Variants in KSR2 observed in about 807,000 individuals in gnomAD.
The protein encoded by KSR2 is kinase suppressor of ras 2.
In KSR2, 25 loss-of-function variants were observed where a neutral mutation model predicts 107.8. The observed-to-expected ratio is 0.23, with a 90% CI of 0.17 to 0.32. KSR2 has a LOEUF of 0.32. Among genes scored for constraint, KSR2 ranks in the 10% least tolerant of loss-of-function variants. The probability of loss-of-function intolerance (pLI) is 1.00; values close to 1 mark genes in which losing one functional copy is unlikely to be tolerated. For missense variants in KSR2, 887 were observed against 1,268.9 expected, an observed-to-expected ratio of 0.70 and a Z score of 4.57; for synonymous variants, 480 against 507.0, an observed-to-expected ratio of 0.95 and a Z score of 0.71.
chr12:117,869,787 G>A (rs763271710), intron 1 of KSR2, among the ~76,000 whole-genome samples: 9 of 152,266 alleles, frequency 5.9e-5, no homozygotes, highest in South Asian at 2.1e-4. Flanking sequence ...CTGCTGGGAC[G>A]CCTTTGTCAA....
Position 117,872,259 on chromosome 12 carries a change from T to G in KSR2, c.181-11828A>C, listed in dbSNP as rs11068705. On this transcript the variant is annotated intron_variant, in intron 1 of 19. Coordinates refer to ENST00000339824, the MANE Select transcript of KSR2 (RefSeq NM_173598.6). The stretch of plus-strand genomic sequence containing the variant: ...GATAATTTCACATTATTTCCCTCTT[T>G]CCTCAGTTTCCAATCATAAGCTTCA... Among the ~76,000 whole-genome samples, 877 of 152,284 alleles carry G rather than the reference T, an allele frequency of 5.8e-3. 57 individuals are homozygous for G. The East Asian group carries it at 0.14, about 25-fold the overall frequency.
chr12:117,836,411 T>C (rs552265418), intron 3 of KSR2, among the ~76,000 whole-genome samples: 20 of 152,154 alleles, frequency 1.3e-4, no homozygotes, highest in Non-Finnish European at 1.8e-4. Context: ...CTCTTTGGGT[T>C]GTATGATTCC....
At chr12:117,510,557 C>T (rs1007802871) in intron 14 of KSR2, among the ~76,000 whole-genome samples, 17 of 152,134 alleles carry the variant, frequency 1.1e-4, no homozygotes, top group African/African-American at 4.1e-4. Flanking sequence ...CCATTGAGTC[C>T]CTGTGATACA....
At chr12:117,500,217 A>G (rs1237167622) in intron 14 of KSR2, among the ~76,000 whole-genome samples, 8 of 152,170 alleles carry the variant, frequency 5.3e-5, no homozygotes, top group Admixed American at 3.9e-4. Context: ...CTCCTTTCAC[A>G]GGGGAGATGG....
In KSR2 at chr12:117,794,362, CCAA is replaced by C. The variant is rs1484978242; in HGVS notation, c.473-32841_473-32839del. On this transcript the variant is annotated intron_variant, in intron 3 of 19. Transcript: ENST00000339824. ...ACACTCACACCAACAGGCACACACA[CCAA>C]CATGCACACTCACACCAACATGCAC... 4.9e-5 allele frequency among the ~76,000 whole-genome samples: 6 copies of C among 122,362 alleles called. 2 individuals are homozygous for C. Among genetic ancestry groups the C allele is most frequent in the Non-Finnish European group, 8.3e-5 (5 of 59,920 alleles). 80.3% of individuals were successfully genotyped at this position (122,362 alleles called of 152,430 possible).
intron 4 of KSR2, among the ~76,000 whole-genome samples, chr12:117,736,097 T>C (rs1234186544): frequency 6.6e-6 from 1 of 152,162 alleles, no homozygotes; most frequent in Admixed American, 6.5e-5. Flanking sequence ...CATTTGACCA[T>C]AGTTGAATCA....
At chr12:117,510,877 CAAAAA>C (rs58668449) in intron 14 of KSR2, among the ~76,000 whole-genome samples, 3 of 103,184 alleles carry the variant, frequency 2.9e-5, no homozygotes, top group African/African-American at 7.5e-5. Context: ...GACCCTGTCT[CAAAAA>C]AAAAAAAAAA....
chr12:117,793,697 A>C (rs1890404790), intron 3 of KSR2, among the ~76,000 whole-genome samples: 1 of 150,402 alleles, frequency 6.6e-6, no homozygotes, highest in South Asian at 2.1e-4. Context: ...GCACACATAC[A>C]ACATGCACAC....
At chr12:117,862,239 T>C (rs1893323498) in intron 1 of KSR2, among the ~76,000 whole-genome samples, 1 of 152,132 alleles carries the variant, frequency 6.6e-6, no homozygotes, top group South Asian at 2.1e-4. Context: ...TATTATCATC[T>C]TTTTAATTTA....
intron 3 of KSR2, among the ~76,000 whole-genome samples, chr12:117,817,617 AATAAT>A (rs1891419054): frequency 6.6e-6 from 1 of 152,094 alleles, no homozygotes; most frequent in African/African-American, 2.4e-5. Flanking sequence ...TATATATACT[AATAAT>A]ATAATATTAT....
intron 4 of KSR2, among the ~76,000 whole-genome samples, chr12:117,671,882 C>A (rs752606142): frequency 3.4e-5 from 5 of 145,754 alleles, no homozygotes; most frequent in Non-Finnish European, 7.5e-5. Flanking sequence ...TTTTCAGAAT[C>A]CTGGAAGGAG....
rs144081286 is a variant in KSR2 at position 117,666,776 on chromosome 12, G to A, written c.1171+698C>T. Among the ~76,000 whole-genome samples, 133 of 152,254 alleles carry A rather than the reference G, an allele frequency of 8.7e-4. 1 individual carries two copies. Among genetic ancestry groups the A allele is most frequent in the African/African-American group, 3.0e-3 (125 of 41,546 alleles). ...ACCAATCAATAAAAGTTGCTGTCTT[G>A]GCTGGAGGACTGGCTGGGCTTTATT... is the stretch of plus-strand genomic sequence containing the variant. On this transcript the variant is annotated intron_variant, in intron 5 of 19. Coordinates refer to ENST00000339824, the MANE Select transcript of KSR2 (RefSeq NM_173598.6).
At chr12:117,688,192 C>A (rs1885657057) in intron 4 of KSR2, among the ~76,000 whole-genome samples, 1 of 152,148 alleles carries the variant, frequency 6.6e-6, no homozygotes, top group Admixed American at 6.5e-5. Context: ...CCAGCCTGGC[C>A]AACATGGTAA....
rs141457085 is a variant in KSR2 at position 117,761,028 on chromosome 12, G to A, written c.969C>T (p.Asp323=). ...GCACTCACTTGGGCGTGTGGGCCTC[G>A]TCCACGCGGTGCCCCAGCTGGAACT... ...SHEFQLGHRV[D]EAHTPKAKKK... The change falls in exon 4 of 20, where the codon GAC becomes GAT. Residue 323 remains aspartate (D), a synonymous_variant. Coordinates refer to ENST00000339824, the MANE Select transcript of KSR2 (RefSeq NM_173598.6). The A allele has an allele frequency of 5.0e-6, 8 of 1,613,654 alleles. No individual in the cohort carries two copies. Among genetic ancestry groups the A allele is most frequent in the Admixed American group, 1.7e-5 (1 of 60,012 alleles).
At chr12:117,571,743 T>C (rs1023467430) in intron 7 of KSR2, among the ~76,000 whole-genome samples, 2 of 152,176 alleles carry the variant, frequency 1.3e-5, no homozygotes, top group Non-Finnish European at 2.9e-5. Context: ...AATCCCTTAG[T>C]TGATCAGACC....
chr12:117,545,815 GGCT>G (rs1876824114), intron 9 of KSR2, among the ~76,000 whole-genome samples: 9 of 152,060 alleles, frequency 5.9e-5, no homozygotes, highest in Admixed American at 5.9e-4. Flanking sequence ...CTTTTTAAAT[GGCT>G]GCTGTAGGTA....
chr12:117,842,875 G>C lies in KSR2; in HGVS notation c.472+12553C>G, dbSNP rs2137169193. 6.6e-6 allele frequency among the ~76,000 whole-genome samples: 1 copy of C among 152,254 alleles called. No homozygotes were observed. Among genetic ancestry groups the C allele is most frequent in the South Asian group, 2.1e-4 (1 of 4,824 alleles). ...CAGGTTGCTCGACAGGGGTTCTGCT[G>C]CAAGACAAAGGCTGGAGAGGAAAAC... On this transcript the variant is annotated intron_variant, in intron 3 of 19. Coordinates refer to ENST00000339824, the MANE Select transcript of KSR2 (RefSeq NM_173598.6). This position sits in a 1 kb window ranked among gnomAD's most constrained non-coding sequence, Gnocchi z 4.2.
intron 1 of KSR2, among the ~76,000 whole-genome samples, chr12:117,918,198 A>G (rs1294987572): frequency 2.6e-5 from 4 of 152,242 alleles, no homozygotes; most frequent in Non-Finnish European, 5.9e-5. Context: ...ACACAGCTTC[A>G]TTCATTATGG....
chr12:117,699,629 C>A (rs955609959), intron 4 of KSR2, among the ~76,000 whole-genome samples: 1 of 152,134 alleles, frequency 6.6e-6, no homozygotes, highest in Non-Finnish European at 1.5e-5. Flanking sequence ...AAGATTAAAA[C>A]GGTACACCTG....
Sources: gnomAD v4.1 joint callset for allele counts (sites outside exome capture counted in the v4.1 genomes callset) on GRCh38, gnomAD v4.1.1 for gene constraint, Gnocchi (gnomAD v3.1) non-coding constraint, MANE v1.5 for transcripts, NCBI Gene and HGNC (gene_info 2026-07-23, HGNC 2026-07-21) for gene names.